ADAMTS18: variants seen among roughly 807,000 people sequenced by gnomAD.
ADAMTS18 encodes A disintegrin and metalloproteinase with thrombospondin motifs 18.
ADAMTS18 carries 157 observed loss-of-function variants against 165.9 expected under a neutral mutation model. That is an observed-to-expected ratio of 0.95 (90% CI 0.83 to 1.08). The LOEUF (loss-of-function observed/expected upper bound fraction) is 1.08. Among genes scored for constraint, ADAMTS18 ranks in the 50% least tolerant of loss-of-function variants. The probability of loss-of-function intolerance (pLI) is 0.00; values close to 1 mark genes in which losing one functional copy is unlikely to be tolerated. For synonymous variants in ADAMTS18, 782 were observed against 578.2 expected (o/e 1.35, Z -5.06); for missense variants, 2,040 against 1,534.0 (o/e 1.33, Z -5.51).
At chr16:77,286,149 T>C (rs946444272) in intron 22 of ADAMTS18, among the ~76,000 whole-genome samples, 1 of 152,194 alleles carries the variant, frequency 6.6e-6, no homozygotes, top group Admixed American at 6.5e-5. Flanking sequence ...TAGATTAGTA[T>C]ATTCCTGCCT....
chr16:77,386,923 C>G (rs2057115896), intron 3 of ADAMTS18, among the ~76,000 whole-genome samples: 1 of 152,116 alleles, frequency 6.6e-6, no homozygotes, highest in Non-Finnish European at 1.5e-5. Context: ...TGTCCTACAG[C>G]AACAAACTAC....
At chr16:77,295,606 C>T (rs1339792432) in intron 18 of ADAMTS18, among the ~76,000 whole-genome samples, 1 of 152,122 alleles carries the variant, frequency 6.6e-6, no homozygotes, top group African/African-American at 2.4e-5. Context: ...GCTCATGGAA[C>T]AGTCATCAAT....
intron 12 of ADAMTS18, among the ~76,000 whole-genome samples, chr16:77,328,369 G>C (rs1283280721): frequency 6.6e-6 from 1 of 152,072 alleles, no homozygotes; most frequent in African/African-American, 2.4e-5. Context: ...AAATTTATGT[G>C]ATTAAAATTC....
intron 10 of ADAMTS18, among the ~76,000 whole-genome samples, chr16:77,348,463 G>A (rs2056509175): frequency 6.6e-6 from 1 of 152,216 alleles, no homozygotes; most frequent in South Asian, 2.1e-4. Context: ...TGTGCATCCT[G>A]CAGACAGGCA....
chr16:77,352,220 G>C (rs974183845), intron 10 of ADAMTS18, among the ~76,000 whole-genome samples: 4 of 152,090 alleles, frequency 2.6e-5, no homozygotes, highest in African/African-American at 7.2e-5. Flanking sequence ...TATTTCTTCG[G>C]ACTGGAGTTA....
At chr16:77,288,541 T>G (rs1347752077) in intron 22 of ADAMTS18, among the ~76,000 whole-genome samples, 1 of 152,144 alleles carries the variant, frequency 6.6e-6, no homozygotes, top group Non-Finnish European at 1.5e-5. Context: ...CTATCAGTAC[T>G]CACTGCACTT....
intron 11 of ADAMTS18, among the ~76,000 whole-genome samples, chr16:77,337,016 C>T (rs2056320888): frequency 6.6e-6 from 1 of 152,202 alleles, no homozygotes; most frequent in African/African-American, 2.4e-5. Flanking sequence ...ATACATTTGG[C>T]TTCATGACTG....
chr16:77,355,961 T>C lies in ADAMTS18; in HGVS notation c.1439A>G (p.Gln480Arg). ...GVFSWSSCSR[Q>R]YLKKFLSTPQ... ...ATACCTGAGGAATTTCTTGAGATAC[T>C]GGCGGCTGCAGGAAGACCATGAAAA... Residue 480 changes from glutamine (Q) to arginine (R), a missense_variant, in exon 9 of 23, where the codon CAG becomes CGG. Physicochemically the swap from Gln to Arg is conservative, Grantham distance 43. Coordinates refer to ENST00000282849, the MANE Select transcript of ADAMTS18 (RefSeq NM_199355.4). 1 of 1,614,096 alleles carries C rather than the reference T, an allele frequency of 6.2e-7. No individual in the cohort carries two copies. Among genetic ancestry groups the C allele is most frequent in the African/African-American group, 1.3e-5 (1 of 75,032 alleles).
intron 12 of ADAMTS18, among the ~76,000 whole-genome samples, chr16:77,332,532 C>T (rs536032338): frequency 6.6e-6 from 1 of 152,272 alleles, no homozygotes; most frequent in African/African-American, 2.4e-5. Flanking sequence ...TATACATAAA[C>T]CCAAGTCAAA....
intron 3 of ADAMTS18, among the ~76,000 whole-genome samples, chr16:77,372,630 G>A (rs1204553970): frequency 3.3e-5 from 5 of 152,114 alleles, no homozygotes; most frequent in Admixed American, 6.5e-5. Context: ...GTTCACATTC[G>A]TGGCCTTATG....
rs34737839 is a variant in ADAMTS18 at position 77,431,599 on chromosome 16, A to C, written c.191T>G (p.Val64Gly). The change falls in exon 3 of 23, where the codon GTC becomes GGC. Residue 64 changes from valine (V) to glycine (G), a missense_variant. Transcript: ENST00000282849. Reference protein sequence around the residue: ...ASGLNDDYVFVTPVEVDSAGS... With the variant: ...ASGLNDDYVFGTPVEVDSAGS... The stretch of plus-strand genomic sequence containing the variant: ...GGCTGAGTCTACTTCTACTGGCGTG[A>C]CAAAGACGTAATCTGCAATGGGAAA... The C allele has an allele frequency of 6.2e-7, 1 of 1,614,048 alleles. No homozygotes were observed. Among genetic ancestry groups the C allele is most frequent in the Non-Finnish European group, 8.5e-7 (1 of 1,179,984 alleles).
intron 7 of ADAMTS18, among the ~76,000 whole-genome samples, chr16:77,359,811 C>G (rs1357538374): frequency 6.6e-6 from 1 of 152,164 alleles, no homozygotes; most frequent in East Asian, 1.9e-4. Context: ...AAAATGCTCA[C>G]TGAACAGTGG....
intron 3 of ADAMTS18, among the ~76,000 whole-genome samples, chr16:77,428,149 T>C (rs576166122): frequency 3.0e-4 from 45 of 152,264 alleles, no homozygotes; most frequent in African/African-American, 9.4e-4. Flanking sequence ...CACTGATATA[T>C]AAACTTCAGG....
chr16:77,294,779 T>C, intron 19 of ADAMTS18, 144 bp downstream of exon 19: 1 of 814,406 alleles, frequency 1.2e-6, no homozygotes, highest in Non-Finnish European at 2.0e-6. Flanking sequence ...GAACATTAGT[T>C]AAAATGCAGA....
intron 12 of ADAMTS18, among the ~76,000 whole-genome samples, chr16:77,330,647 C>T (rs987208582): frequency 2.6e-5 from 4 of 152,208 alleles, no homozygotes; most frequent in Non-Finnish European, 4.4e-5. Context: ...TCAGTTAAAA[C>T]TATTTACCAC....
chr16:77,316,533 A>G (rs959152936), intron 16 of ADAMTS18, among the ~76,000 whole-genome samples: 1 of 152,016 alleles, frequency 6.6e-6, no homozygotes, highest in African/African-American at 2.4e-5. Context: ...CAAACTCCTT[A>G]CCATGGTTTG....
chr16:77,321,278 G>T, intron 14 of ADAMTS18, 76 bp from the exon 15 acceptor site: 1 of 1,577,532 alleles, frequency 6.3e-7, no homozygotes. Flanking sequence ...AGAGGTATAT[G>T]GTTCTCTGTA....
At chr16:77,294,678 G>A (rs183315461) in intron 19 of ADAMTS18, among the ~76,000 whole-genome samples, 2 of 152,268 alleles carry the variant, frequency 1.3e-5, no homozygotes, top group African/African-American at 4.8e-5. Context: ...TCACGAGTCT[G>A]GCCTAAATGG....
intron 4 of ADAMTS18, among the ~76,000 whole-genome samples, 168 bp downstream of exon 4, chr16:77,367,273 A>T (rs969737873): frequency 6.6e-6 from 1 of 152,228 alleles, no homozygotes; most frequent in African/African-American, 2.4e-5. Context: ...AACCTAGAAT[A>T]ATTGATCATC....
Sources: gnomAD v4.1 joint callset for allele counts (sites outside exome capture counted in the v4.1 genomes callset) on GRCh38, gnomAD v4.1.1 for gene constraint, MANE v1.5 for transcripts, NCBI Gene and HGNC (gene_info 2026-07-23, HGNC 2026-07-21) for gene names.